Variants in GLI3 observed in about 807,000 individuals in gnomAD.
GLI3 encodes transcription activator GLI3.
A neutral mutation model predicts 100.8 loss-of-function variants in GLI3; 20 were observed. The ratio of observed to expected loss-of-function variants is 0.20; its 90% CI spans 0.14 to 0.29. GLI3 has a LOEUF of 0.29. Ranked by LOEUF, GLI3 falls within the 10% of genes least tolerant of loss-of-function variation. The probability of loss-of-function intolerance (pLI) is 1.00; values close to 1 mark genes in which losing one functional copy is unlikely to be tolerated. For missense variants in GLI3, 2,040 were observed against 2,128.5 expected (o/e 0.96, Z 0.82); for synonymous variants, 938 against 860.5 (o/e 1.09, Z -1.58).
intron 2 of GLI3, among the ~76,000 whole-genome samples, chr7:42,216,730 A>T (rs951947929): frequency 2.4e-4 from 36 of 152,220 alleles, no homozygotes; most frequent in African/African-American, 7.2e-4. Context: ...AGGACACAAG[A>T]CCTTATGAGG....
intron 2 of GLI3, chr7:42,172,635 A>G (rs948839074): frequency 2.8e-6 from 2 of 702,886 alleles, no homozygotes; most frequent in African/African-American, 3.5e-5. Flanking sequence ...GACAGCGCGG[A>G]TGCATCCAAT....
intron 2 of GLI3, among the ~76,000 whole-genome samples, chr7:42,195,019 G>A (rs1220988278): frequency 3.3e-5 from 5 of 151,902 alleles, no homozygotes; most frequent in African/African-American, 2.4e-5. Context: ...TGCCCACCTC[G>A]GCCTCCCAAA....
intron 1 of GLI3, among the ~76,000 whole-genome samples, chr7:42,260,824 A>G (rs1285674160): frequency 2.6e-5 from 4 of 152,176 alleles, no homozygotes; most frequent in Admixed American, 6.5e-5. Flanking sequence ...TTTTCCTGAT[A>G]GAGAGGGGGC....
intron 1 of GLI3, among the ~76,000 whole-genome samples, chr7:42,252,260 A>G (rs1562801317): frequency 6.6e-6 from 1 of 152,200 alleles, no homozygotes; most frequent in African/African-American, 2.4e-5. Flanking sequence ...CAAATACCGT[A>G]TGTTCTCACT....
intron 4 of GLI3, among the ~76,000 whole-genome samples, chr7:42,059,988 C>A (rs1411164224): frequency 6.6e-6 from 1 of 152,236 alleles, no homozygotes; most frequent in African/African-American, 2.4e-5. Context: ...CTGTTCTATA[C>A]ACCAGTTGCA....
chr7:42,203,832 CT>C (rs767777785), intron 2 of GLI3, among the ~76,000 whole-genome samples: 50 of 152,156 alleles, frequency 3.3e-4, no homozygotes, highest in Non-Finnish European at 4.3e-4. Flanking sequence ...AACCCTGTCT[CT>C]ACTAAAGATA....
intron 7 of GLI3, among the ~76,000 whole-genome samples, chr7:42,038,871 CTGA>C (rs1328368170): frequency 6.6e-6 from 1 of 152,064 alleles, no homozygotes; most frequent in Non-Finnish European, 1.5e-5. Context: ...TTTTTCTGAA[CTGA>C]TGAAGTTTCC....
chr7:42,027,086 A>G (rs1448438320), intron 7 of GLI3, among the ~76,000 whole-genome samples: 8 of 152,204 alleles, frequency 5.3e-5, no homozygotes, highest in Non-Finnish European at 1.2e-4. Context: ...ACAGCATTTA[A>G]TGTCTATTAA....
At chr7:42,070,850 T>C (rs1222659595) in intron 4 of GLI3, among the ~76,000 whole-genome samples, 1 of 152,202 alleles carries the variant, frequency 6.6e-6, no homozygotes, top group African/African-American at 2.4e-5. Context: ...ATACATTAAA[T>C]AGCACTCAGT....
chr7:42,073,776 T>C (rs1182562476), intron 4 of GLI3, among the ~76,000 whole-genome samples: 2 of 152,202 alleles, frequency 1.3e-5, no homozygotes. Context: ...TACAAAATAA[T>C]GATAATATCT....
rs138668406 is a variant in GLI3, at chr7:42,003,323, A to G, written c.1497+20145T>C. Among the ~76,000 whole-genome samples the G allele has an allele frequency of 1.6e-3, 241 of 152,340 alleles. 1 individual carries two copies. In the Middle Eastern group the frequency reaches 0.017, roughly 11 times the overall value. The stretch of plus-strand genomic sequence containing the variant: ...ATTTCACACTAGAAATTATGGAGGG[A>G]AAAGCAAAACTCAGCCCAAGAAAAT... On this transcript the variant is annotated intron_variant, in intron 10 of 14. Transcript: ENST00000395925.
At chr7:41,990,218 A>T (rs936909838) in intron 10 of GLI3, among the ~76,000 whole-genome samples, 1 of 152,080 alleles carries the variant, frequency 6.6e-6, no homozygotes, top group East Asian at 1.9e-4. Flanking sequence ...AGGTAGGCAC[A>T]AAGTTTTCCT....
At chr7:42,086,573 G>T (rs975511577) in intron 3 of GLI3, among the ~76,000 whole-genome samples, 2 of 152,028 alleles carry the variant, frequency 1.3e-5, no homozygotes, top group African/African-American at 4.8e-5. Context: ...CTCCCCATCC[G>T]AGAGTCAGTG....
At chr7:42,166,521 G>A (rs1233337055) in intron 2 of GLI3, among the ~76,000 whole-genome samples, 2 of 152,000 alleles carry the variant, frequency 1.3e-5, no homozygotes, top group East Asian at 3.9e-4. Flanking sequence ...TGGCAATGGG[G>A]CCCCAAGAAA....
At chr7:42,224,630 A>C (rs1199130766) in intron 1 of GLI3, among the ~76,000 whole-genome samples, 1 of 152,258 alleles carries the variant, frequency 6.6e-6, no homozygotes, top group African/African-American at 2.4e-5. Context: ...AGAAGCACTA[A>C]GTTAAATTTA....
intron 3 of GLI3, among the ~76,000 whole-genome samples, chr7:42,084,444 C>G (rs1428289250): frequency 6.6e-6 from 1 of 152,256 alleles, no homozygotes; most frequent in African/African-American, 2.4e-5. Flanking sequence ...AAGATCACAT[C>G]CAGTGGATGC....
intron 10 of GLI3, among the ~76,000 whole-genome samples, chr7:42,016,551 G>A (rs910605079): frequency 1.3e-5 from 2 of 152,152 alleles, no homozygotes; most frequent in African/African-American, 4.8e-5. Context: ...TGTGGTAAAA[G>A]TCACTATTTT....
At chr7:42,000,586 A>C (rs924371612) in intron 10 of GLI3, among the ~76,000 whole-genome samples, 6 of 151,298 alleles carry the variant, frequency 4.0e-5, no homozygotes, top group African/African-American at 1.5e-4. Context: ...ATTGAAAAAC[A>C]ATCAGAAAAA....
At chr7:42,067,580 T>C (rs932996002) in intron 4 of GLI3, among the ~76,000 whole-genome samples, 129 of 152,306 alleles carry the variant, frequency 8.5e-4, no homozygotes, top group African/African-American at 2.9e-3. Flanking sequence ...CATGTGTAAC[T>C]TGTTCCCAGG....
Sources: gnomAD v4.1 joint callset for allele counts (sites outside exome capture counted in the v4.1 genomes callset) on GRCh38, gnomAD v4.1.1 for gene constraint, MANE v1.5 for transcripts, NCBI Gene and HGNC (gene_info 2026-07-23, HGNC 2026-07-21) for gene names.